The following GRIA4 variants were observed in gnomAD, a reference collection of about 807,000 sequenced individuals.
GRIA4 encodes the protein glutamate ionotropic receptor AMPA type subunit 4.
Under a neutral mutation model 104.0 loss-of-function variants are expected in GRIA4, and 34 were observed. That is an observed-to-expected ratio of 0.33 (90% CI 0.25 to 0.44). GRIA4 has a LOEUF of 0.44. GRIA4 is among the 20% of genes least tolerant of loss of function. GRIA4 has a pLI of 1.00. For synonymous variants in GRIA4, 386 were observed against 381.9 expected, an observed-to-expected ratio of 1.01 and a Z score of -0.13; for missense variants, 750 against 1,096.5, an observed-to-expected ratio of 0.68 and a Z score of 4.46.
At chr11:105,861,987 A>T in intron 4 of GRIA4, 37 bp from the exon 5 acceptor site, 2 of 1,367,814 alleles carry the variant, frequency 1.5e-6, no homozygotes, top group Non-Finnish European at 2.1e-6. Flanking sequence ...AAGGGGAGTA[A>T]AAGCATGTTT....
chr11:105,972,059 G>T (rs902170608), intron 15 of GRIA4, 31 bp downstream of exon 15: 10 of 1,342,236 alleles, frequency 7.5e-6, no homozygotes, highest in African/African-American at 1.4e-5. Context: ...GCCTCCTCTT[G>T]TGTTCACAAA....
chr11:105,767,351 GTAT>G (rs750753116), intron 4 of GRIA4, among the ~76,000 whole-genome samples: 20 of 151,976 alleles, frequency 1.3e-4, no homozygotes, highest in Non-Finnish European at 2.6e-4. Flanking sequence ...AGGAAAATAC[GTAT>G]GTTTTATTTT....
chr11:105,613,608 G>T (rs1261982550), intron 3 of GRIA4: 1 of 152,136 alleles, frequency 6.6e-6, no homozygotes, highest in East Asian at 1.9e-4. Context: ...TTTTAAATTT[G>T]TCTGGAGGAC....
chr11:105,825,990 C>T (rs1244016569), intron 4 of GRIA4, among the ~76,000 whole-genome samples: 3 of 151,944 alleles, frequency 2.0e-5, no homozygotes, highest in Non-Finnish European at 2.9e-5. Flanking sequence ...TTTGGATGTC[C>T]CCTCTCCTAA....
At chr11:105,878,031 C>T (rs1945899315) in intron 5 of GRIA4, among the ~76,000 whole-genome samples, 1 of 152,160 alleles carries the variant, frequency 6.6e-6, no homozygotes, top group African/African-American at 2.4e-5. Flanking sequence ...ACTGGTTTTT[C>T]CTCATCTTCA....
chr11:105,640,600 T>C (rs974762327), intron 3 of GRIA4, among the ~76,000 whole-genome samples: 3 of 151,962 alleles, frequency 2.0e-5, no homozygotes, highest in Non-Finnish European at 2.9e-5. Flanking sequence ...TAGTAATTCA[T>C]GTTTTAAATG....
At chr11:105,859,836 G>T (rs1367015388) in intron 4 of GRIA4, among the ~76,000 whole-genome samples, 1 of 152,072 alleles carries the variant, frequency 6.6e-6, no homozygotes, top group African/African-American at 2.4e-5. Flanking sequence ...TTAAGTCGAA[G>T]AACATGTTCA....
intron 3 of GRIA4, among the ~76,000 whole-genome samples, chr11:105,725,005 A>G (rs1389113230): frequency 6.6e-6 from 1 of 152,176 alleles, no homozygotes; most frequent in African/African-American, 2.4e-5. Context: ...TCTACTACTT[A>G]GTCCTGTGAG....
At chr11:105,657,016 A>T (rs1031058990) in intron 3 of GRIA4, among the ~76,000 whole-genome samples, 9 of 148,498 alleles carry the variant, frequency 6.1e-5, no homozygotes, top group African/African-American at 2.2e-4. Context: ...CTGTATATTT[A>T]TAAAGATGGG....
chr11:105,898,870 T>C (rs969351818), intron 7 of GRIA4, among the ~76,000 whole-genome samples: 8 of 152,258 alleles, frequency 5.3e-5, no homozygotes, highest in African/African-American at 1.9e-4. Context: ...CAGGTTGTTT[T>C]CATTGTTTTC....
chr11:105,635,413 T>C (rs760132911), intron 3 of GRIA4, among the ~76,000 whole-genome samples: 13 of 152,186 alleles, frequency 8.5e-5, no homozygotes, highest in Non-Finnish European at 1.5e-4. Context: ...GGTAGCTCCA[T>C]AGTAACTGCC....
At chr11:105,677,911 T>C (rs190106627) in intron 3 of GRIA4, among the ~76,000 whole-genome samples, 3 of 151,996 alleles carry the variant, frequency 2.0e-5, no homozygotes, top group Non-Finnish European at 4.4e-5. Flanking sequence ...AACTTGGACA[T>C]GTTGCATTGT....
intron 3 of GRIA4, among the ~76,000 whole-genome samples, chr11:105,671,159 A>G (rs1318998402): frequency 6.6e-6 from 1 of 152,144 alleles, no homozygotes; most frequent in Non-Finnish European, 1.5e-5. Flanking sequence ...CCTTAATCAT[A>G]TATGCAAAGT....
chr11:105,924,838 T>C, intron 12 of GRIA4, 69 bp downstream of exon 12: 1 of 1,156,632 alleles, frequency 8.6e-7, no homozygotes, highest in Non-Finnish European at 1.2e-6. Flanking sequence ...AGATTATCTC[T>C]CTACATGTTC....
intron 3 of GRIA4, among the ~76,000 whole-genome samples, chr11:105,629,892 C>T (rs1471189181): frequency 6.6e-6 from 1 of 152,178 alleles, no homozygotes; most frequent in Non-Finnish European, 1.5e-5. Flanking sequence ...CTAAAATTAT[C>T]ATCATTACAT....
intron 3 of GRIA4, among the ~76,000 whole-genome samples, chr11:105,622,308 C>A (rs555525336): frequency 5.9e-5 from 9 of 151,738 alleles, no homozygotes; most frequent in Non-Finnish European, 1.2e-4. Flanking sequence ...GTAACACTAA[C>A]TCTTCTGGAA....
intron 4 of GRIA4, among the ~76,000 whole-genome samples, chr11:105,787,666 G>T (rs1942031899): frequency 6.7e-5 from 1 of 15,028 alleles, no homozygotes; most frequent in East Asian, 1.9e-3. Flanking sequence ...TAGTAGAAAT[G>T]GTGTTTCACC....
rs1939239126 is a variant in GRIA4, at chr11:105,740,504, G to T, written c.248-12477G>T. 2.6e-5 allele frequency among the ~76,000 whole-genome samples: 4 copies of T among 152,214 alleles called. No individual in the cohort carries two copies. In the South Asian group the frequency reaches 8.3e-4, roughly 31 times the overall value. On this transcript the variant is annotated intron_variant, in intron 3 of 16. Coordinates refer to ENST00000282499, the MANE Select transcript of GRIA4 (RefSeq NM_000829.4). ...CCATGTGCCAACTTTAGGGGCTAGG[G>T]ATATGTCAGTGAAAAACAATCCAGT...
chr11:105,864,778 G>A (rs1482129934), intron 5 of GRIA4, among the ~76,000 whole-genome samples: 1 of 152,110 alleles, frequency 6.6e-6, no homozygotes, highest in African/African-American at 2.4e-5. Context: ...GCTGAGGCAG[G>A]AGAATCACTT....
Sources: gnomAD v4.1 joint callset for allele counts (sites outside exome capture counted in the v4.1 genomes callset) on GRCh38, gnomAD v4.1.1 for gene constraint, MANE v1.5 for transcripts, NCBI Gene and HGNC (gene_info 2026-07-23, HGNC 2026-07-21) for gene names.